The following ITPRID1 variants were observed in gnomAD, a reference collection of about 807,000 sequenced individuals.
ITPRID1 encodes the protein protein ITPRID1.
Under a neutral mutation model 95.4 loss-of-function variants are expected in ITPRID1, and 96 were observed. The ratio of observed to expected loss-of-function variants is 1.01; its 90% CI spans 0.85 to 1.19. The LOEUF (loss-of-function observed/expected upper bound fraction) is 1.19. Among genes scored for constraint, ITPRID1 ranks in the 50% most tolerant of loss-of-function variants. The pLI is 0.00. For missense variants in ITPRID1, 1,339 were observed against 1,252.9 expected (o/e 1.07, Z -1.04); for synonymous variants, 510 against 453.6 (o/e 1.12, Z -1.58).
At chr7:31,615,665 TAGACA>T (rs2128167537) in intron 10 of ITPRID1, among the ~76,000 whole-genome samples, 1 of 146,254 alleles carries the variant, frequency 6.8e-6, no homozygotes, top group South Asian at 2.3e-4. Context: ...CTTTCATTCT[TAGACA>T]TGACCAAGAT....
chr7:31,656,541 A>T, downstream of ITPRID1: 2 of 924,224 alleles, frequency 2.2e-6, no homozygotes, highest in Non-Finnish European at 2.6e-6. Flanking sequence ...ACTGTTAGCA[A>T]AGTACTTTAT....
chr7:31,629,628 G>A (rs1319469785), intron 10 of ITPRID1, among the ~76,000 whole-genome samples: 1 of 152,158 alleles, frequency 6.6e-6, no homozygotes, highest in Non-Finnish European at 1.5e-5. Flanking sequence ...AAATACAATG[G>A]TCAGACCATG....
intron 10 of ITPRID1, among the ~76,000 whole-genome samples, chr7:31,614,777 T>C (rs1583575654): frequency 6.6e-6 from 1 of 152,126 alleles, no homozygotes; most frequent in South Asian, 2.1e-4. Flanking sequence ...TTGAACATCA[T>C]TGTCATCTGG....
At chr7:31,579,168 T>G (rs934147513) in intron 9 of ITPRID1, among the ~76,000 whole-genome samples, 4 of 152,194 alleles carry the variant, frequency 2.6e-5, no homozygotes, top group Non-Finnish European at 4.4e-5. Flanking sequence ...CACTTGTACT[T>G]CTCAGAGTTG....
At chr7:31,622,428 A>G in intron 10 of ITPRID1, among the ~76,000 whole-genome samples, 1 of 152,074 alleles carries the variant, frequency 6.6e-6, no homozygotes, top group Non-Finnish European at 1.5e-5. Flanking sequence ...CAGTGCAATC[A>G]AACTAGAACT....
intron 6 of ITPRID1, among the ~76,000 whole-genome samples, 186 bp downstream of exon 6, chr7:31,569,995 A>G (rs1220550124): frequency 1.3e-5 from 2 of 152,244 alleles, no homozygotes. Flanking sequence ...GTTCCTTAAA[A>G]ATCATAAAAT....
At chr7:31,618,665 T>C (rs993821090) in intron 10 of ITPRID1, among the ~76,000 whole-genome samples, 4 of 140,312 alleles carry the variant, frequency 2.9e-5, no homozygotes, top group African/African-American at 1.3e-4. Context: ...ATAATTATAG[T>C]TGAGTATTAG....
intron 10 of ITPRID1, among the ~76,000 whole-genome samples, chr7:31,624,104 G>A (rs1435852375): frequency 6.6e-6 from 1 of 150,762 alleles, no homozygotes; most frequent in Non-Finnish European, 1.5e-5. Flanking sequence ...ACAAACCACT[G>A]CTCAATGAAA....
At chr7:31,542,760 T>C (rs1315104225) in intron 1 of ITPRID1, among the ~76,000 whole-genome samples, 10 of 152,140 alleles carry the variant, frequency 6.6e-5, no homozygotes, top group Non-Finnish European at 1.5e-4. Context: ...TGACACCTTA[T>C]AGTATTTGAC....
intron 10 of ITPRID1, 67 bp from the exon 11 acceptor site, chr7:31,642,109 G>A: frequency 8.6e-7 from 1 of 1,163,448 alleles, no homozygotes; most frequent in Non-Finnish European, 1.2e-6. Context: ...ACCTAGAGGG[G>A]TTGATCCAAG....
intron 10 of ITPRID1, among the ~76,000 whole-genome samples, chr7:31,632,612 A>C (rs1789111990): frequency 1.3e-5 from 2 of 152,152 alleles, no homozygotes; most frequent in Admixed American, 6.5e-5. Context: ...GTAACCCAAC[A>C]CTGGGAACAC....
intron 10 of ITPRID1, among the ~76,000 whole-genome samples, chr7:31,618,868 A>C (rs1259594084): frequency 6.6e-6 from 1 of 152,204 alleles, no homozygotes; most frequent in Non-Finnish European, 1.5e-5. Context: ...TTTATTATAA[A>C]ATATGCTTTG....
intron 10 of ITPRID1, among the ~76,000 whole-genome samples, chr7:31,600,576 T>C (rs904200288): frequency 2.6e-5 from 4 of 152,236 alleles, no homozygotes; most frequent in Admixed American, 2.6e-4. Context: ...GCCAAGTGCG[T>C]TGCATAACCG....
intron 10 of ITPRID1, among the ~76,000 whole-genome samples, chr7:31,587,545 G>A (rs1181668071): frequency 3.4e-5 from 5 of 146,038 alleles, no homozygotes; most frequent in Admixed American, 2.1e-4. Flanking sequence ...AATCAATATC[G>A]TGAAAATGGC....
chr7:31,613,059 A>C (rs147353361), intron 10 of ITPRID1, among the ~76,000 whole-genome samples: 1 of 152,224 alleles, frequency 6.6e-6, no homozygotes, highest in African/African-American at 2.4e-5. Flanking sequence ...TTTGCCAGAG[A>C]GCTTCCAGAT....
intron 1 of ITPRID1, among the ~76,000 whole-genome samples, chr7:31,528,360 G>A (rs1783488851): frequency 1.3e-5 from 2 of 152,142 alleles, no homozygotes; most frequent in Admixed American, 6.5e-5. Context: ...TCATCATTTT[G>A]CAAGTACAGT....
intron 10 of ITPRID1, among the ~76,000 whole-genome samples, chr7:31,624,963 G>A (rs959976950): frequency 7.2e-5 from 11 of 152,224 alleles, no homozygotes; most frequent in African/African-American, 2.6e-4. Flanking sequence ...GTGGGCAAAG[G>A]ACATGAATAG....
intron 5 of ITPRID1, among the ~76,000 whole-genome samples, chr7:31,561,693 C>T (rs574705935): frequency 6.6e-6 from 1 of 152,310 alleles, no homozygotes; most frequent in Non-Finnish European, 1.5e-5. Context: ...GCCTGACAGT[C>T]TCATCTCCAG....
chr7:31,625,882 T>C (rs540011359), intron 10 of ITPRID1, among the ~76,000 whole-genome samples: 2 of 152,278 alleles, frequency 1.3e-5, no homozygotes, highest in Admixed American at 1.3e-4. Flanking sequence ...AGTGATCTCA[T>C]CTAAAATTGA....
Sources: gnomAD v4.1 joint callset for allele counts (sites outside exome capture counted in the v4.1 genomes callset) on GRCh38, gnomAD v4.1.1 for gene constraint, MANE v1.5 for transcripts, NCBI Gene and HGNC (gene_info 2026-07-23, HGNC 2026-07-21) for gene names.